Variants in SPCS2 observed in about 807,000 individuals in gnomAD.
The protein encoded by SPCS2 is signal peptidase complex subunit 2, also known as SPase 25 kDa subunit.
A neutral mutation model predicts 22.3 loss-of-function variants in SPCS2; 3 were observed. The ratio of observed to expected loss-of-function variants is 0.13; its 90% CI spans 0.06 to 0.35. The LOEUF (loss-of-function observed/expected upper bound fraction) is 0.35. Among genes scored for constraint, SPCS2 ranks in the 10% least tolerant of loss-of-function variants. The pLI is 1.00. For missense variants in SPCS2, 169 were observed against 280.9 expected (o/e 0.60, Z 2.85); for synonymous variants, 67 against 97.2 (o/e 0.69, Z 1.83).
At chr11:74,957,534 G>A (rs1948487095) in intron 1 of SPCS2, among the ~76,000 whole-genome samples, 1 of 152,108 alleles carries the variant, frequency 6.6e-6, no homozygotes, top group African/African-American at 2.4e-5. Context: ...GCCAGTCTTC[G>A]TGCCTTAATT....
intron 3 of SPCS2, among the ~76,000 whole-genome samples, chr11:74,966,419 G>A (rs915284181): frequency 6.6e-6 from 1 of 152,170 alleles, no homozygotes; most frequent in Non-Finnish European, 1.5e-5. Flanking sequence ...AACTTATTCT[G>A]GAGCTAGAGA....
At chr11:74,957,652 T>C (rs1278329250) in intron 1 of SPCS2, among the ~76,000 whole-genome samples, 3 of 152,242 alleles carry the variant, frequency 2.0e-5, no homozygotes, top group Non-Finnish European at 2.9e-5. Flanking sequence ...AAATCTTTTT[T>C]GCAGATCCTT....
intron 4 of SPCS2, among the ~76,000 whole-genome samples, chr11:74,974,328 G>C (rs2140221866): frequency 6.6e-6 from 1 of 152,054 alleles, no homozygotes; most frequent in South Asian, 2.1e-4. Context: ...ATATATTCTG[G>C]CATTCTTTTT....
chr11:74,950,896 G>C (rs1275155245), intron 1 of SPCS2, among the ~76,000 whole-genome samples: 1 of 152,128 alleles, frequency 6.6e-6, no homozygotes, highest in Non-Finnish European at 1.5e-5. Flanking sequence ...GGTTGGGATG[G>C]TAAATTGCTT....
chr11:74,963,620 G>C (rs1343104267), intron 1 of SPCS2: 1 of 439,080 alleles, frequency 2.3e-6, no homozygotes, highest in South Asian at 1.6e-5. Context: ...ATATTGCCCA[G>C]GCTGGACTCG....
At chr11:74,968,604 A>C (rs1156505013) in intron 3 of SPCS2, among the ~76,000 whole-genome samples, 1 of 151,186 alleles carries the variant, frequency 6.6e-6, no homozygotes, top group Non-Finnish European at 1.5e-5. Flanking sequence ...CAACCCTGCA[A>C]CCTCTGCTTC....
intron 1 of SPCS2, among the ~76,000 whole-genome samples, chr11:74,958,252 A>G (rs1246964816): frequency 2.0e-5 from 3 of 152,244 alleles, no homozygotes; most frequent in Non-Finnish European, 4.4e-5. Context: ...TAATTTCCTA[A>G]CTTCTAACTC....
At chr11:74,949,697 G>A (rs748128773) in intron 1 of SPCS2, 1 of 472,822 alleles carries the variant, frequency 2.1e-6, no homozygotes, top group Non-Finnish European at 4.2e-6. Context: ...CTTTTCTCCT[G>A]GGGGGCTGGG....
intron 4 of SPCS2, 98 bp from the exon 5 acceptor site, chr11:74,976,759 A>C: frequency 6.7e-7 from 1 of 1,488,020 alleles, no homozygotes; most frequent in East Asian, 2.3e-5. Flanking sequence ...CACCGTGCCC[A>C]GCTTACTCCT....
At chr11:74,951,250 G>T (rs1417477391) in intron 1 of SPCS2, among the ~76,000 whole-genome samples, 3 of 152,054 alleles carry the variant, frequency 2.0e-5, no homozygotes, top group Admixed American at 1.3e-4. Context: ...GGAATCTCTG[G>T]CACCTAGATC....
intron 1 of SPCS2, among the ~76,000 whole-genome samples, chr11:74,955,061 A>G (rs1259431030): frequency 2.8e-5 from 4 of 142,972 alleles, no homozygotes; most frequent in Non-Finnish European, 6.3e-5. Flanking sequence ...TAAAGGGGGA[A>G]AAAAAAGGAA....
intron 1 of SPCS2, chr11:74,949,681 C>T (rs1260157849): frequency 1.2e-5 from 6 of 488,192 alleles, no homozygotes; most frequent in Admixed American, 4.6e-5. Context: ...TTAATCGTGT[C>T]CATCTCTTTT....
At chr11:74,958,540 C>T (rs1229239901) in intron 1 of SPCS2, among the ~76,000 whole-genome samples, 1 of 152,158 alleles carries the variant, frequency 6.6e-6, no homozygotes, top group African/African-American at 2.4e-5. Flanking sequence ...ATATTTCCAA[C>T]TGAAATTGTA....
chr11:74,972,896 T>A (rs115693272), intron 4 of SPCS2, among the ~76,000 whole-genome samples: 20,683 of 78,084 alleles, frequency 0.26, 1,490 homozygotes, highest in Middle Eastern at 0.35. Context: ...ATATATATAT[T>A]TTTTTTTTTC....
At chr11:74,949,487 TC>T (rs1247629871) in intron 1 of SPCS2, 88 bp downstream of exon 1, 1 of 1,209,746 alleles carries the variant, frequency 8.3e-7, no homozygotes, top group Non-Finnish European at 1.2e-6. Context: ...TCCCTTATTT[TC>T]TACGGCCTTT....
At chr11:74,967,123 A>G (rs900796053) in intron 3 of SPCS2, among the ~76,000 whole-genome samples, 1 of 152,228 alleles carries the variant, frequency 6.6e-6, no homozygotes, top group African/African-American at 2.4e-5. Flanking sequence ...AGCAGATCCT[A>G]GTCAAAAATT....
chr11:74,958,012 C>T (rs1948489595), intron 1 of SPCS2, among the ~76,000 whole-genome samples: 1 of 152,204 alleles, frequency 6.6e-6, no homozygotes, highest in Non-Finnish European at 1.5e-5. Flanking sequence ...TTAGATCTCA[C>T]ACTTACTGGG....
intron 1 of SPCS2, among the ~76,000 whole-genome samples, chr11:74,962,885 T>G (rs1948522226): frequency 6.6e-6 from 1 of 152,224 alleles, no homozygotes; most frequent in Non-Finnish European, 1.5e-5. Flanking sequence ...TTCAATACAT[T>G]GTAATGGCTG....
chr11:74,965,658 C>T (rs1205584811), intron 2 of SPCS2, 105 bp from the exon 3 acceptor site: 7 of 965,896 alleles, frequency 7.2e-6, no homozygotes, highest in Admixed American at 2.5e-5. Flanking sequence ...CTGGAGGGAA[C>T]TACTTGGTAA....
Sources: allele counts gnomAD v4.1 joint callset (sites outside exome capture counted in the v4.1 genomes callset), GRCh38; gene constraint gnomAD v4.1.1; transcripts MANE v1.5; gene names NCBI Gene and HGNC (gene_info 2026-07-23, HGNC 2026-07-21).